Variants in TRDN observed in about 807,000 individuals in gnomAD.
TRDN encodes the protein triadin in skeletal muscle.
A neutral mutation model predicts 149.7 loss-of-function variants in TRDN; 161 were observed. The observed-to-expected ratio is 1.08, with a 90% CI of 0.95 to 1.23. The LOEUF is 1.23. Among genes scored for constraint, TRDN ranks in the 50% most tolerant of loss-of-function variants. The pLI is 0.00. For missense variants in TRDN, 896 were observed against 823.5 expected (o/e 1.09, Z -1.08); for synonymous variants, 294 against 250.5 (o/e 1.17, Z -1.64).
At chr6:123,246,504 A>C (rs2114556923) in intron 38 of TRDN, among the ~76,000 whole-genome samples, 1 of 152,254 alleles carries the variant, frequency 6.6e-6, no homozygotes. Context: ...AAATTCCAGG[A>C]CACATACACC....
intron 12 of TRDN, among the ~76,000 whole-genome samples, chr6:123,404,601 A>G (rs1761817635): frequency 6.6e-6 from 1 of 152,052 alleles, no homozygotes; most frequent in Non-Finnish European, 1.5e-5. Context: ...GGCGTGCACC[A>G]CCACACCTGG....
At chr6:123,470,127 A>G (rs1777068615) in intron 9 of TRDN, 1 of 152,084 alleles carries the variant, frequency 6.6e-6, no homozygotes, top group Non-Finnish European at 1.5e-5. Flanking sequence ...TTTATTTATT[A>G]AATCTTTTAG....
chr6:123,578,621 T>C (rs1782971390), intron 1 of TRDN, among the ~76,000 whole-genome samples: 1 of 152,150 alleles, frequency 6.6e-6, no homozygotes, highest in African/African-American at 2.4e-5. Context: ...TTGCTTAGGA[T>C]TGTCTTGGCT....
chr6:123,398,355 G>C (rs4383833), intron 12 of TRDN, among the ~76,000 whole-genome samples: 25,148 of 152,094 alleles, frequency 0.17, 2,210 homozygotes, highest in South Asian at 0.23. Context: ...AAAGTTGAAT[G>C]GCTTTTCCAC....
intron 9 of TRDN, among the ~76,000 whole-genome samples, chr6:123,477,918 G>A (rs887950184): frequency 6.6e-6 from 1 of 150,620 alleles, no homozygotes; most frequent in African/African-American, 2.5e-5. Flanking sequence ...GTGGGGTCGG[G>A]GGAGGGGGAA....
chr6:123,604,579 A>G (rs1441369692), intron 1 of TRDN, among the ~76,000 whole-genome samples: 1 of 152,206 alleles, frequency 6.6e-6, no homozygotes, highest in Non-Finnish European at 1.5e-5. Context: ...GGTAAGACTC[A>G]GAAGCTAAAT....
At position 123,267,723 on chromosome 6, in the gene TRDN, AG is replaced by A. The variant is rs1331360488; in HGVS notation, c.1766del (p.Pro589LeufsTer4). The A allele has an allele frequency of 1.9e-6, 3 of 1,582,624 alleles. No individual in the cohort carries two copies. Among genetic ancestry groups the A allele is most frequent in the Non-Finnish European group, 2.6e-6 (3 of 1,163,576 alleles). On this transcript the variant is annotated frameshift_variant, in exon 32 of 41. Coordinates refer to ENST00000334268, the MANE Select transcript of TRDN (RefSeq NM_006073.4). LOFTEE classifies it high-confidence loss of function. Reference sequence around the variant, plus strand: ...GTAAAATACCTGTTTTTATAGATGGAGGTTCTCTTTCTCGATGTTCAGCTTT... The same window carrying A: ...GTAAAATACCTGTTTTTATAGATGGAGTTCTCTTTCTCGATGTTCAGCTTT... Reference protein sequence around the residue: ...TKKAEHREREPPSIKTDKPKP... With the variant: ...TKKAEHREREXPSIKTDKPKP...
intron 21 of TRDN, among the ~76,000 whole-genome samples, chr6:123,341,611 G>A (rs1347174330): frequency 1.3e-5 from 2 of 151,838 alleles, no homozygotes; most frequent in African/African-American, 4.8e-5. Context: ...TCTGAACAAT[G>A]TTGTCAGTAC....
chr6:123,378,524 C>T (rs1242646317), intron 16 of TRDN, among the ~76,000 whole-genome samples: 1 of 150,008 alleles, frequency 6.7e-6, no homozygotes, highest in East Asian at 2.0e-4. Context: ...ACCATGTTGC[C>T]CAGGCTGGTC....
At chr6:123,380,608 T>C (rs1306091506) in intron 16 of TRDN, among the ~76,000 whole-genome samples, 1 of 152,176 alleles carries the variant, frequency 6.6e-6, no homozygotes, top group African/African-American at 2.4e-5. Context: ...CATAAATATA[T>C]TTTAATTGGT....
intron 2 of TRDN, among the ~76,000 whole-genome samples, chr6:123,553,726 A>ATTC (rs1781512032): frequency 1.3e-5 from 2 of 152,168 alleles, no homozygotes; most frequent in Non-Finnish European, 2.9e-5. Flanking sequence ...GCCAAGTGAA[A>ATTC]AGGGAAACCC....
intron 1 of TRDN, among the ~76,000 whole-genome samples, chr6:123,597,101 T>C (rs568202086): frequency 6.6e-6 from 1 of 152,130 alleles, no homozygotes; most frequent in East Asian, 1.9e-4. Flanking sequence ...CCATTCTATA[T>C]GCCATCAAAA....
intron 22 of TRDN, among the ~76,000 whole-genome samples, chr6:123,332,478 C>T (rs909990607): frequency 1.3e-5 from 2 of 151,934 alleles, no homozygotes; most frequent in African/African-American, 4.8e-5. Flanking sequence ...AAAATGAAGG[C>T]CTTGGTTGAA....
intron 22 of TRDN, among the ~76,000 whole-genome samples, chr6:123,335,831 G>A (rs1221553293): frequency 1.3e-5 from 2 of 151,892 alleles, no homozygotes; most frequent in African/African-American, 4.8e-5. Flanking sequence ...ATGGAAGAAG[G>A]AAATATTTAG....
chr6:123,350,091 C>T, intron 21 of TRDN: 1 of 976,724 alleles, frequency 1.0e-6, no homozygotes, highest in Non-Finnish European at 1.2e-6. Context: ...CAACAGGCTC[C>T]AACTTTATAC....
intron 1 of TRDN, among the ~76,000 whole-genome samples, chr6:123,600,614 T>C (rs1784236125): frequency 6.6e-6 from 1 of 152,040 alleles, no homozygotes; most frequent in South Asian, 2.1e-4. Flanking sequence ...GTTCTCAGTT[T>C]TTCTGGGCCC....
At chr6:123,400,327 T>C (rs919264870) in intron 12 of TRDN, among the ~76,000 whole-genome samples, 3 of 151,792 alleles carry the variant, frequency 2.0e-5, no homozygotes, top group Non-Finnish European at 4.4e-5. Flanking sequence ...GTCCCCAACA[T>C]TTTTGGCACC....
At chr6:123,595,836 A>G (rs1784011246) in intron 1 of TRDN, among the ~76,000 whole-genome samples, 1 of 152,016 alleles carries the variant, frequency 6.6e-6, no homozygotes, top group African/African-American at 2.4e-5. Flanking sequence ...GTGTGTTCTG[A>G]CTGTTCCATT....
chr6:123,528,534 T>C (rs1007443155), intron 5 of TRDN: 5 of 608,884 alleles, frequency 8.2e-6, no homozygotes, highest in African/African-American at 2.0e-5. Context: ...CACAGACTAC[T>C]ACTACCTTTC....
Sources: allele counts gnomAD v4.1 joint callset (sites outside exome capture counted in the v4.1 genomes callset), GRCh38; gene constraint gnomAD v4.1.1; transcripts MANE v1.5; gene names NCBI Gene and HGNC (gene_info 2026-07-23, HGNC 2026-07-21).